LRP1B: variants seen among roughly 807,000 people sequenced by gnomAD.
LRP1B encodes LDL receptor related protein 1B, also known as low-density lipoprotein receptor-related protein 1B.
In LRP1B, 217 loss-of-function variants were observed where a neutral mutation model predicts 556.6. That is an observed-to-expected ratio of 0.39 (90% CI 0.35 to 0.44). The LOEUF is 0.44. LRP1B is among the 20% of genes least tolerant of loss of function. The probability of loss-of-function intolerance (pLI) is 1.00; values close to 1 mark genes in which losing one functional copy is unlikely to be tolerated. For missense variants in LRP1B, 5,053 were observed against 5,620.8 expected (o/e 0.90, Z 3.23); for synonymous variants, 2,047 against 1,865.8 (o/e 1.10, Z -2.50).
At position 142,088,906 on chromosome 2, in the gene LRP1B, C is replaced by T. The variant is rs547465753; in HGVS notation, c.82+41742G>A. On this transcript the variant is annotated intron_variant, in intron 1 of 90. Transcript: ENST00000389484. ...AGGAGAATGGCATGAACCTGGCAGG[C>T]GGAGCTTGCAGTGAGCCGAGATCGC... Among the ~76,000 whole-genome samples the T allele has an allele frequency of 2.7e-4, 38 of 138,872 alleles. 1 individual carries two copies. The East Asian group carries it at 7.3e-3, about 27-fold the overall frequency. The allele number at this position is 138,872 out of a possible 152,430, so 91.1% of individuals were successfully genotyped here. A position where few individuals can be genotyped will look rare whatever the true frequency, so the allele number is the denominator to read the frequency against.
At chr2:140,968,263 G>A (rs1304688634) in intron 18 of LRP1B, among the ~76,000 whole-genome samples, 1 of 151,740 alleles carries the variant, frequency 6.6e-6, no homozygotes, top group Admixed American at 6.6e-5. Flanking sequence ...TCTTGGGAGG[G>A]TGTATATGTC....
At chr2:142,053,547 A>G (rs975207605) in intron 1 of LRP1B, among the ~76,000 whole-genome samples, 4 of 152,164 alleles carry the variant, frequency 2.6e-5, no homozygotes, top group African/African-American at 9.6e-5. Flanking sequence ...TAGAAAATTA[A>G]AGATTTGTAA....
At chr2:141,340,176 A>T (rs148497502) in intron 3 of LRP1B, among the ~76,000 whole-genome samples, 1,785 of 152,268 alleles carry the variant, frequency 0.012, 23 homozygotes, top group Middle Eastern at 0.02. Flanking sequence ...ATCCCCTTCA[A>T]CTTTTGAATA....
chr2:140,622,298 A>T (rs1300777813), intron 41 of LRP1B, among the ~76,000 whole-genome samples: 1 of 152,218 alleles, frequency 6.6e-6, no homozygotes, highest in Non-Finnish European at 1.5e-5. Context: ...ATACCATGAA[A>T]ATATGCATAA....
chr2:140,482,932 T>C (rs1688301315), intron 59 of LRP1B, among the ~76,000 whole-genome samples: 2 of 152,186 alleles, frequency 1.3e-5, no homozygotes, highest in South Asian at 4.1e-4. Context: ...GCATTTCTAT[T>C]AATCTTAAAT....
At chr2:140,282,481 T>C (rs928579526) in intron 84 of LRP1B, among the ~76,000 whole-genome samples, 2 of 151,810 alleles carry the variant, frequency 1.3e-5, no homozygotes, top group African/African-American at 4.8e-5. Context: ...TATTTAGTGA[T>C]TCATAAATAC....
At chr2:140,495,814 T>A (rs2104874963) in intron 55 of LRP1B, 66 bp from the exon 56 acceptor site, 1 of 1,317,888 alleles carries the variant, frequency 7.6e-7, no homozygotes, top group Non-Finnish European at 1.1e-6. Context: ...TTTGGATATC[T>A]CTTTAGCATT....
At chr2:141,459,613 AG>A (rs1681778910) in intron 3 of LRP1B, among the ~76,000 whole-genome samples, 1 of 152,088 alleles carries the variant, frequency 6.6e-6, no homozygotes, top group African/African-American at 2.4e-5. Context: ...CTGAGTCAGG[AG>A]GGTGGGTCTT....
At chr2:141,559,549 G>A (rs1322881923) in intron 2 of LRP1B, among the ~76,000 whole-genome samples, 1 of 151,568 alleles carries the variant, frequency 6.6e-6, no homozygotes, top group South Asian at 2.1e-4. Context: ...TTTCTTTATG[G>A]TTAAAAGTCA....
intron 17 of LRP1B, among the ~76,000 whole-genome samples, chr2:140,984,266 T>G (rs1490494821): frequency 2.6e-5 from 4 of 151,972 alleles, no homozygotes; most frequent in Non-Finnish European, 5.9e-5. Flanking sequence ...TCTTGTTTAC[T>G]TCCTTTCACC....
intron 2 of LRP1B, among the ~76,000 whole-genome samples, chr2:141,785,845 T>C (rs963719951): frequency 6.6e-6 from 1 of 151,652 alleles, no homozygotes; most frequent in East Asian, 1.9e-4. Context: ...CTCTACCTAA[T>C]AGTCCATTCA....
At chr2:141,858,686 G>A (rs1444969751) in intron 1 of LRP1B, among the ~76,000 whole-genome samples, 1 of 152,070 alleles carries the variant, frequency 6.6e-6, no homozygotes, top group African/African-American at 2.4e-5. Flanking sequence ...AATACACAAT[G>A]ATTTGCAAAC....
intron 81 of LRP1B, among the ~76,000 whole-genome samples, chr2:140,323,264 GAGAATTACCTTA>G (rs1479642528): frequency 6.6e-6 from 1 of 151,984 alleles, no homozygotes; most frequent in African/African-American, 2.4e-5. Flanking sequence ...ATATTTTCAA[GAGAATTACCTTA>G]ATTACCTCAA....
At chr2:140,953,920 C>G (rs111499482) in intron 18 of LRP1B, among the ~76,000 whole-genome samples, 279 of 152,282 alleles carry the variant, frequency 1.8e-3, no homozygotes, top group African/African-American at 6.4e-3. Flanking sequence ...TTTCCTATCT[C>G]ACTTTCCCTT....
chr2:140,648,888 T>C (rs993703036), intron 41 of LRP1B, among the ~76,000 whole-genome samples: 4 of 152,154 alleles, frequency 2.6e-5, no homozygotes, highest in East Asian at 1.9e-4. Context: ...CTGACTGTTG[T>C]ATGAAACACA....
chr2:141,984,881 C>T (rs1898020), intron 1 of LRP1B, among the ~76,000 whole-genome samples: 131,438 of 152,100 alleles, frequency 0.86, 56,878 homozygotes, highest in East Asian at 0.95. Context: ...CAATTAACTT[C>T]ATCTCATATG....
intron 2 of LRP1B, among the ~76,000 whole-genome samples, chr2:141,551,267 G>T (rs1181562106): frequency 6.6e-6 from 1 of 151,606 alleles, no homozygotes; most frequent in African/African-American, 2.4e-5. Flanking sequence ...CATATTAATA[G>T]AACTTTTTAG....
At chr2:141,930,276 A>G (rs1700457336) in intron 1 of LRP1B, among the ~76,000 whole-genome samples, 1 of 152,076 alleles carries the variant, frequency 6.6e-6, no homozygotes, top group South Asian at 2.1e-4. Context: ...GATTTTAAGT[A>G]TTTGAGCTTC....
intron 66 of LRP1B, among the ~76,000 whole-genome samples, chr2:140,401,104 C>T (rs112937780): frequency 5.9e-5 from 9 of 152,204 alleles, no homozygotes; most frequent in African/African-American, 2.2e-4. Context: ...GGTAATGTAA[C>T]CTTGGGTGGG....
Sources: gnomAD v4.1 joint callset for allele counts (sites outside exome capture counted in the v4.1 genomes callset) on GRCh38, gnomAD v4.1.1 for gene constraint, MANE v1.5 for transcripts, NCBI Gene and HGNC (gene_info 2026-07-23, HGNC 2026-07-21) for gene names.